Variants in GSE1 observed in about 807,000 individuals in gnomAD.
The protein encoded by GSE1 is genetic suppressor element 1.
Under a neutral mutation model 112.6 loss-of-function variants are expected in GSE1, and 32 were observed. That is an observed-to-expected ratio of 0.28 (90% confidence interval 0.21 to 0.38). GSE1 has a LOEUF of 0.38. GSE1 is among the 10% of genes least tolerant of loss of function. GSE1 has a pLI of 1.00. For missense variants in GSE1, 2,348 were observed against 1,699.2 expected (o/e 1.38, Z -6.71); for synonymous variants, 1,115 against 735.6 (o/e 1.52, Z -8.35).
At chr16:85,384,633 C>T (rs2047644595) in intron 2 of GSE1, among the ~76,000 whole-genome samples, 1 of 152,300 alleles carries the variant, frequency 6.6e-6, no homozygotes, top group South Asian at 2.1e-4. Flanking sequence ...CAGGCGGTGG[C>T]TCAGCCTACA....
chr16:85,654,889 G>T lies in GSE1; in HGVS notation c.695G>T (p.Arg232Leu). Reference sequence around the variant, plus strand: ...CCCTACCACACCACCGACGACCTCCGCATGTCCTCACTGCCTCCCCTCGGC... The same window carrying T: ...CCCTACCACACCACCGACGACCTCCTCATGTCCTCACTGCCTCCCCTCGGC... The part of the protein sequence containing the change: ...FRPYHTTDDL[R>L]MSSLPPLGLD... The change falls in exon 5 of 16, where the codon CGC (arginine) becomes CTC (leucine). Residue 232 changes from arginine (R) to leucine (L), a missense_variant. Coordinates refer to ENST00000253458, the MANE Select transcript of GSE1 (RefSeq NM_014615.5). 3 of 1,611,452 alleles carry T rather than the reference G, an allele frequency of 1.9e-6. No homozygotes were observed. The highest frequency in any genetic ancestry group is 1.7e-6 in the Non-Finnish European group (2 of 1,179,294).
At position 85,412,650 on chromosome 16, in the gene GSE1, C is replaced by T. The variant is rs12716762; in HGVS notation, c.2464+55007C>T. Among the ~76,000 whole-genome samples the T allele has an allele frequency of 2.7e-3, 85 of 31,848 alleles. 3 individuals carry two copies. Among genetic ancestry groups the T allele is most frequent in the Non-Finnish European group, 3.5e-3 (55 of 15,862 alleles). 20.9% of individuals were successfully genotyped at this position (31,848 alleles called of 152,430 possible). On this transcript the variant is annotated intron_variant, in intron 2 of 2. Coordinates refer to the GSE1 transcript ENST00000637419. ...CTCAGGCCCCCCGGATAATCCTCAC[C>T]GTTACACTCAGGGCCCCCCTGGATA...
chr16:85,519,945 G>T (rs1004162080), intron 2 of GSE1, among the ~76,000 whole-genome samples: 3 of 152,022 alleles, frequency 2.0e-5, no homozygotes, highest in African/African-American at 7.2e-5. Flanking sequence ...CTTGGGAAAG[G>T]GTCCCAGAGG....
chr16:85,338,710 CT>C lies in GSE1; in HGVS notation c.2284-18752del, dbSNP rs931477078. On this transcript the variant is annotated intron_variant, in intron 1 of 2. Transcript: ENST00000637419. Reference sequence around the variant, plus strand: ...CCCATCTTGAGTCACTTTTTTCCCCCTGTGAGGTAGCTAGTAGGTACTGTCA... The same window carrying C: ...CCCATCTTGAGTCACTTTTTTCCCCCGTGAGGTAGCTAGTAGGTACTGTCA... 1.4e-4 allele frequency among the ~76,000 whole-genome samples: 21 copies of C among 152,166 alleles called. 1 individual carries two copies. Among genetic ancestry groups the C allele is most frequent in the African/African-American group, 3.6e-4 (15 of 41,436 alleles).
Position 85,656,638 on chromosome 16 carries a change from T to G in GSE1, c.1285T>G (p.Ser429Ala). 1 of 1,533,488 alleles carries G rather than the reference T, an allele frequency of 6.5e-7. No homozygotes were observed. Among genetic ancestry groups the G allele is most frequent in the Non-Finnish European group, 8.8e-7 (1 of 1,138,662 alleles). The allele number at this position is 1,533,488 out of a possible 1,614,324, so 95.0% of individuals were successfully genotyped here. A position where few individuals can be genotyped will look rare whatever the true frequency, so the allele number is the denominator to read the frequency against. The change falls in exon 7 of 16, where the codon TCG (serine) becomes GCG (alanine). Residue 429 changes from serine (S) to alanine (A), a missense_variant. Transcript: ENST00000253458. ...TGCCACTGAGGAGCGGGGCAAGCCC[T>G]CGGAGCAGCTGACCCCAACCCGAGC... ...GHATEERGKP[S>A]EQLTPTRAEK...
At chr16:85,177,081 G>C (rs927300513) in intron 1 of GSE1, among the ~76,000 whole-genome samples, 1 of 152,240 alleles carries the variant, frequency 6.6e-6, no homozygotes, top group East Asian at 1.9e-4. Context: ...CTTTCCAGCT[G>C]TGCCCCTCCT....
At chr16:85,394,735 C>T (rs77212092) in intron 2 of GSE1, among the ~76,000 whole-genome samples, 1 of 152,308 alleles carries the variant, frequency 6.6e-6, no homozygotes, top group South Asian at 2.1e-4. Flanking sequence ...CCGTCTCCCC[C>T]GAGAACATCT....
At chr16:85,637,885 G>A (rs1242672718) in intron 2 of GSE1, among the ~76,000 whole-genome samples, 2 of 152,192 alleles carry the variant, frequency 1.3e-5, no homozygotes, top group East Asian at 3.9e-4. Flanking sequence ...CCCGCAGCCA[G>A]GGCTGCCTCC....
At chr16:85,651,097 C>T (rs926019696) in intron 3 of GSE1, among the ~76,000 whole-genome samples, 2 of 115,132 alleles carry the variant, frequency 1.7e-5, no homozygotes, top group Non-Finnish European at 3.9e-5. Flanking sequence ...CCTCCGCCTT[C>T]TTTCTTTCAT....
Position 85,655,924 on chromosome 16 carries a change from G to A in GSE1, c.989+7G>A. 6.3e-7 allele frequency: 1 copy of A among 1,594,816 alleles called. No individual in the cohort carries two copies. Among genetic ancestry groups the A allele is most frequent in the Non-Finnish European group, 8.5e-7 (1 of 1,176,284 alleles). ...CTGGCCTCAGCGCGGAGAGGTAAGT[G>A]CGTCTCGAGCCGAGGAGCCCCTCTG... On this transcript the variant is annotated splice_region_variant and intron_variant, in intron 6 of 15. Coordinates refer to ENST00000253458, the MANE Select transcript of GSE1 (RefSeq NM_014615.5).
At chr16:85,543,703 C>G (rs541941728) in intron 2 of GSE1, among the ~76,000 whole-genome samples, 1 of 152,330 alleles carries the variant, frequency 6.6e-6, no homozygotes, top group African/African-American at 2.4e-5. Flanking sequence ...GAGAGGGCAG[C>G]TGTTGGCTCA....
chr16:85,448,870 A>G (rs1462936428), intron 2 of GSE1, among the ~76,000 whole-genome samples: 2 of 152,212 alleles, frequency 1.3e-5, no homozygotes, highest in Non-Finnish European at 1.5e-5. Flanking sequence ...TCGGTAATGA[A>G]GTGCAGCTGT....
chr16:85,414,896 A>G (rs1186892275), intron 2 of GSE1, among the ~76,000 whole-genome samples: 1 of 152,226 alleles, frequency 6.6e-6, no homozygotes, highest in African/African-American at 2.4e-5. Flanking sequence ...TCGGCCTCCC[A>G]AAGTGCTGGG....
intron 14 of GSE1, among the ~76,000 whole-genome samples, chr16:85,669,590 G>A (rs2053162201): frequency 6.6e-6 from 1 of 152,158 alleles, no homozygotes; most frequent in African/African-American, 2.4e-5. Flanking sequence ...TATATATCCA[G>A]AAGCAATACA....
intron 2 of GSE1, among the ~76,000 whole-genome samples, chr16:85,525,896 C>G (rs1018472059): frequency 1.3e-5 from 2 of 152,202 alleles, no homozygotes; most frequent in African/African-American, 4.8e-5. Flanking sequence ...GGTGGCTGAG[C>G]CTGAGCTCGC....
chr16:85,187,626 C>T (rs2074733616), intron 1 of GSE1, among the ~76,000 whole-genome samples: 1 of 152,180 alleles, frequency 6.6e-6, no homozygotes, highest in Non-Finnish European at 1.5e-5. Context: ...CGGGAGATGG[C>T]GTGGTTTGGC....
intron 1 of GSE1, among the ~76,000 whole-genome samples, chr16:85,259,132 G>A (rs1005194389): frequency 2.0e-5 from 3 of 152,172 alleles, no homozygotes; most frequent in Non-Finnish European, 4.4e-5. Context: ...TTCTGCAGGG[G>A]CCACCGCGTC....
chr16:85,416,112 G>A (rs566973173), intron 2 of GSE1, among the ~76,000 whole-genome samples: 74 of 152,310 alleles, frequency 4.9e-4, no homozygotes, highest in African/African-American at 1.8e-3. Context: ...AGACAGTGGT[G>A]CAGCCATAAG....
intron 1 of GSE1, among the ~76,000 whole-genome samples, chr16:85,296,394 C>T (rs542986716): frequency 6.6e-6 from 1 of 152,228 alleles, no homozygotes; most frequent in Non-Finnish European, 1.5e-5. Flanking sequence ...TGCCTGAGCT[C>T]AGGAGTTCAA....
Sources: allele counts gnomAD v4.1 joint callset (sites outside exome capture counted in the v4.1 genomes callset), GRCh38; gene constraint gnomAD v4.1.1; transcripts MANE v1.5; gene names NCBI Gene and HGNC (gene_info 2026-07-23, HGNC 2026-07-21).